XRN2: variants seen among roughly 807,000 people sequenced by gnomAD.
The protein encoded by XRN2 is 5'-3' exoribonuclease 2.
XRN2 carries 44 observed loss-of-function variants against 138.5 expected under a neutral mutation model. The observed-to-expected ratio is 0.32, with a 90% CI of 0.25 to 0.41. The LOEUF is 0.41. Ranked by LOEUF, XRN2 falls within the 10% of genes least tolerant of loss-of-function variation. The pLI, the probability that XRN2 is intolerant of heterozygous loss-of-function variation, is 1.00. For synonymous variants in XRN2, 354 were observed against 369.4 expected (o/e 0.96, Z 0.48); for missense variants, 937 against 1,169.3 (o/e 0.80, Z 2.90).
chr20:21,311,596 T>C (rs574281655), intron 1 of XRN2, among the ~76,000 whole-genome samples: 25 of 152,318 alleles, frequency 1.6e-4, no homozygotes, highest in African/African-American at 6.0e-4. Context: ...AGTGGAATCA[T>C]TGGATCATGT....
Position 21,349,451 on chromosome 20 carries a change from T to C in XRN2, c.1926T>C (p.Tyr642=), listed in dbSNP as rs1430814681. 3 of 1,605,774 alleles carry C rather than the reference T, an allele frequency of 1.9e-6. No homozygotes were observed. The highest frequency in any genetic ancestry group is 1.1e-5 in the South Asian group (1 of 90,524). Residue 642 remains tyrosine (Y), a synonymous_variant, in exon 20 of 30, where the codon TAT becomes TAC. Transcript: ENST00000377191. ...DFAIDLNGKK[Y]AWQGVALLPF... is the part of the protein sequence containing the mutation. ...CTATTGATTTGAATGGGAAGAAATATGCATGGCAAGGTAAAATTTAGACGT... is the reference window on the plus strand; with the variant it reads ...CTATTGATTTGAATGGGAAGAAATACGCATGGCAAGGTAAAATTTAGACGT...
chr20:21,319,584 CAA>C (rs2122182980), intron 1 of XRN2, among the ~76,000 whole-genome samples: 1 of 152,030 alleles, frequency 6.6e-6, no homozygotes, highest in Non-Finnish European at 1.5e-5. Context: ...TATATTTTTT[CAA>C]AGTCATTGTT....
chr20:21,335,696 T>C (rs1282487146), intron 13 of XRN2, among the ~76,000 whole-genome samples: 1 of 152,264 alleles, frequency 6.6e-6, no homozygotes, highest in East Asian at 1.9e-4. Flanking sequence ...CTTGATCTGC[T>C]GCTACATACT....
chr20:21,311,081 C>T (rs1195804809), intron 1 of XRN2, among the ~76,000 whole-genome samples: 1 of 152,134 alleles, frequency 6.6e-6, no homozygotes, highest in Admixed American at 6.5e-5. Flanking sequence ...GTTTGAGAAT[C>T]TCTGCCCCCT....
intron 24 of XRN2, among the ~76,000 whole-genome samples, chr20:21,361,062 T>A (rs2038631727): frequency 6.6e-6 from 1 of 152,210 alleles, no homozygotes; most frequent in Non-Finnish European, 1.5e-5. Flanking sequence ...ATGTTAACAC[T>A]CTCTAACAGT....
chr20:21,312,597 C>A (rs2064758), intron 1 of XRN2, among the ~76,000 whole-genome samples: 5 of 149,360 alleles, frequency 3.3e-5, no homozygotes, highest in East Asian at 2.0e-4. Flanking sequence ...AAACCAAACC[C>A]CAAGATTTTT....
intron 23 of XRN2, among the ~76,000 whole-genome samples, chr20:21,357,206 A>G (rs994744605): frequency 6.6e-6 from 1 of 152,228 alleles, no homozygotes; most frequent in Admixed American, 6.5e-5. Context: ...AAATATAACC[A>G]CTATAAACAA....
chr20:21,381,634 A>G (rs1390705314), intron 27 of XRN2, among the ~76,000 whole-genome samples: 2 of 152,226 alleles, frequency 1.3e-5, no homozygotes, highest in Non-Finnish European at 2.9e-5. Flanking sequence ...GAAAAGAACT[A>G]AACCTTTCCT....
rs1253825422 is a variant in XRN2, at chr20:21,354,817, G to A, written c.1965G>A (p.Glu655=). The A allele has an allele frequency of 1.5e-5, 24 of 1,613,946 alleles. No individual in the cohort carries two copies. Among genetic ancestry groups the A allele is most frequent in the African/African-American group, 5.3e-5 (4 of 74,938 alleles). The change falls in exon 21 of 30, where the codon GAG becomes GAA. Residue 655 remains glutamate, a synonymous_variant. Coordinates refer to ENST00000377191, the MANE Select transcript of XRN2 (RefSeq NM_012255.5). ...QGVALLPFVD[E]RRLRAALEEV... ...TTGCTCTCTTGCCATTCGTGGATGAGCGAAGGCTACGAGCTGCCCTAGAAG... is the reference window on the plus strand; with the variant it reads ...TTGCTCTCTTGCCATTCGTGGATGAACGAAGGCTACGAGCTGCCCTAGAAG...
rs2038207110 is a variant in XRN2, at chr20:21,331,430, CA to C, written c.577-130del. The C allele has an allele frequency of 2.3e-5, 17 of 724,440 alleles. No homozygotes were observed. The East Asian group carries it at 3.0e-4, about 13-fold the overall frequency. 44.9% of individuals were successfully genotyped at this position (724,440 alleles called of 1,614,324 possible). A position where few individuals can be genotyped will look rare whatever the true frequency, so the allele number is the denominator to read the frequency against. Reference sequence around the variant, plus strand: ...ACACACACACACACACACACACACACACACACACCCTTATTCAGAAAATTTT... The same window carrying C: ...ACACACACACACACACACACACACACCACACACCCTTATTCAGAAAATTTT... On this transcript the variant is annotated intron_variant, in intron 6 of 29. Coordinates refer to ENST00000377191, the MANE Select transcript of XRN2 (RefSeq NM_012255.5).
At chr20:21,350,473 T>C (rs571108773) in intron 20 of XRN2, among the ~76,000 whole-genome samples, 16 of 122,098 alleles carry the variant, frequency 1.3e-4, no homozygotes, top group South Asian at 2.6e-4. Flanking sequence ...TTGCAGTGAG[T>C]CGAGATAGCA....
intron 15 of XRN2, 126 bp from the exon 16 acceptor site, chr20:21,343,964 A>G (rs1568581951): frequency 3.2e-6 from 2 of 634,404 alleles, no homozygotes; most frequent in Non-Finnish European, 5.5e-6. Flanking sequence ...AAATATGTTT[A>G]CCATCTCTAT....
intron 20 of XRN2, among the ~76,000 whole-genome samples, chr20:21,352,331 A>AT (rs1177436270): frequency 7.7e-4 from 113 of 146,466 alleles, no homozygotes; most frequent in Admixed American, 7.5e-4. Flanking sequence ...ATTATATGTA[A>AT]TTTTTTTTTT....
intron 1 of XRN2, among the ~76,000 whole-genome samples, chr20:21,319,573 A>G (rs930294981): frequency 1.3e-5 from 2 of 152,016 alleles, no homozygotes; most frequent in Non-Finnish European, 2.9e-5. Flanking sequence ...TTTTTCCACT[A>G]TATATTTTTT....
rs566834124 is a variant in XRN2 at position 21,361,467 on chromosome 20, G to C, written c.2255+3675G>C. 2.6e-5 allele frequency among the ~76,000 whole-genome samples: 4 copies of C among 152,304 alleles called. No individual in the cohort carries two copies. In the South Asian group the frequency reaches 8.3e-4, roughly 32 times the overall value. On this transcript the variant is annotated intron_variant, in intron 24 of 29. Transcript: ENST00000377191. ...TTGTTTAAAAATACTTCAGTTTACA[G>C]AATTAGATGAAGCAATACGAATCTA...
chr20:21,373,849 G>A (rs1373104837), intron 27 of XRN2, among the ~76,000 whole-genome samples: 1 of 151,986 alleles, frequency 6.6e-6, no homozygotes, highest in Admixed American at 6.6e-5. Context: ...TTTTGTAGGC[G>A]TTCTTATATT....
chr20:21,357,822 C>T (rs1324220008), intron 24 of XRN2, 30 bp downstream of exon 24: 31 of 1,577,390 alleles, frequency 2.0e-5, no homozygotes, highest in Admixed American at 3.6e-5. Flanking sequence ...TGGCATTCAC[C>T]CAGAACACAG....
At chr20:21,356,779 A>T (rs527644623) in intron 23 of XRN2, 114 bp downstream of exon 23, 1 of 944,272 alleles carries the variant, frequency 1.1e-6, no homozygotes, top group African/African-American at 1.7e-5. Flanking sequence ...TGTATTTAAA[A>T]TAAGACAAAA....
At chr20:21,338,972 A>T in intron 13 of XRN2, 72 bp from the exon 14 acceptor site, 1 of 1,437,454 alleles carries the variant, frequency 7.0e-7, no homozygotes, top group Non-Finnish European at 9.7e-7. Flanking sequence ...CTCCCAAATC[A>T]TTCCTGGTAA....
Sources: allele counts gnomAD v4.1 joint callset (sites outside exome capture counted in the v4.1 genomes callset), GRCh38; gene constraint gnomAD v4.1.1; transcripts MANE v1.5; gene names NCBI Gene and HGNC (gene_info 2026-07-23, HGNC 2026-07-21).